Variants in FSCN1 observed in about 807,000 individuals in gnomAD.
FSCN1 encodes the protein fascin actin-bundling protein 1.
In FSCN1, 10 loss-of-function variants were observed where a neutral mutation model predicts 39.7. The observed-to-expected ratio is 0.25, with a 90% confidence interval of 0.16 to 0.43. The LOEUF (loss-of-function observed/expected upper bound fraction) is 0.43. Ranked by LOEUF, FSCN1 falls within the 20% of genes least tolerant of loss-of-function variation. The probability of loss-of-function intolerance (pLI) is 1.00; values close to 1 mark genes in which losing one functional copy is unlikely to be tolerated. For synonymous variants in FSCN1, 322 were observed against 320.0 expected (o/e 1.01, Z -0.07); for missense variants, 525 against 723.8 (o/e 0.73, Z 3.15).
rs143649632 is a variant in FSCN1 at position 5,593,398 on chromosome 7, C to T, written c.462C>T (p.His154=). ...IYSVTRKRYA[H]LSARPADEIA... ...GCGTCACCCGTAAGCGCTACGCGCA[C>T]CTGAGCGCGCGGCCGGCCGACGAGA... is the stretch of plus-strand genomic sequence containing the variant. The change falls in exon 1 of 5, where the codon CAC becomes CAT. Residue 154 remains histidine (H), a synonymous_variant. Transcript: ENST00000382361. 5.7e-4 allele frequency: 916 copies of T among 1,612,310 alleles called. 4 individuals carry two copies. In the African/African-American group the frequency reaches 0.011, roughly 19 times the overall value.
At position 5,599,237 on chromosome 7, in the gene FSCN1, C is replaced by G. The variant is rs371261997; in HGVS notation, c.833-4020C>G. Among the ~76,000 whole-genome samples, 1 of 152,086 alleles carries G rather than the reference C, an allele frequency of 6.6e-6. No homozygotes were observed. The highest frequency in any genetic ancestry group is 1.5e-5 in the Non-Finnish European group (1 of 67,998). ...CGTCGGAGGGCAGAGGGTGGGCTAC[C>G]GGCTTAAGGGGCCCCAGGGAACCTG... is the stretch of plus-strand genomic sequence containing the variant. On this transcript the variant is annotated intron_variant, in intron 1 of 4. Transcript: ENST00000382361. This position sits in a 1 kb window ranked among gnomAD's most constrained non-coding sequence, Gnocchi z 5.6.
chr7:5,603,892 A>C lies in FSCN1; in HGVS notation c.1141A>C (p.Ile381Leu). ...GDSELFLMKLINRPIIVFRGE... is the reference protein window; with the variant it reads ...GDSELFLMKLLNRPIIVFRGE... ...CTCAGAGCTCTTCCTCATGAAGCTC[A>C]TCAACCGCCCCATCATCGTGTTCCG... Residue 381 changes from isoleucine (I) to leucine (L), a missense_variant, in exon 4 of 5, where the codon ATC becomes CTC. Physicochemically the swap from Ile to Leu is conservative, Grantham distance 5. Coordinates refer to ENST00000382361, the MANE Select transcript of FSCN1 (RefSeq NM_003088.4). This position sits in a 1 kb window ranked among gnomAD's most constrained non-coding sequence, Gnocchi z 8.5. The C allele has an allele frequency of 6.2e-7, 1 of 1,613,968 alleles. No homozygotes were observed. Among genetic ancestry groups the C allele is most frequent in the Non-Finnish European group, 8.5e-7 (1 of 1,179,988 alleles).
In FSCN1 at chr7:5,605,237, GC is replaced by G; in HGVS notation, c.1280-34del. 3.9e-6 allele frequency: 6 copies of G among 1,547,072 alleles called. No homozygotes were observed. Among genetic ancestry groups the G allele is most frequent in the Non-Finnish European group, 5.4e-6 (6 of 1,121,092 alleles). On this transcript the variant is annotated intron_variant, in intron 4 of 4. Coordinates refer to ENST00000382361, the MANE Select transcript of FSCN1 (RefSeq NM_003088.4). The surrounding 1 kb of genome is among the most constrained non-coding windows in gnomAD (Gnocchi z 6.9). ...GCCCAGGGTAGGGGTGGGGAGCCAG[GC>G]TTTGGGCCCCACTTGATAAAGTCCC...
intron 1 of FSCN1, among the ~76,000 whole-genome samples, chr7:5,602,401 T>C (rs1393656300): frequency 2.0e-5 from 3 of 152,168 alleles, no homozygotes; most frequent in South Asian, 4.1e-4. Flanking sequence ...AATTTTTACA[T>C]AGAAGCAGGA....
At position 5,599,660 on chromosome 7, in the gene FSCN1, G is replaced by A. The variant is rs557113896; in HGVS notation, c.833-3597G>A. On this transcript the variant is annotated intron_variant, in intron 1 of 4. Coordinates refer to ENST00000382361, the MANE Select transcript of FSCN1 (RefSeq NM_003088.4). This position sits in a 1 kb window ranked among gnomAD's most constrained non-coding sequence, Gnocchi z 5.6. ...TCTCTACAAAATAATGTTAAAGTTA[G>A]CCAGGTGTAGTGGTGAGTGCCTGTG... Among the ~76,000 whole-genome samples, 7 of 152,246 alleles carry A rather than the reference G, an allele frequency of 4.6e-5. No homozygotes were observed. The highest frequency in any genetic ancestry group is 1.7e-4 in the African/African-American group (7 of 41,546).
Position 5,605,361 on chromosome 7 carries a change from G to A in FSCN1, c.1369G>A (p.Asp457Asn), listed in dbSNP as rs770432135. Reference sequence around the variant, plus strand: ...TGTGGACTTCTTCTTCGAGTTCTGCGACTATAACAAGGTGGCCATCAAGGT... The same window carrying A: ...TGTGGACTTCTTCTTCGAGTTCTGCAACTATAACAAGGTGGCCATCAAGGT... Reference protein sequence around the residue: ...TPVDFFFEFCDYNKVAIKVGG... With the variant: ...TPVDFFFEFCNYNKVAIKVGG... Residue 457 changes from aspartate (D) to asparagine (N), a missense_variant, in exon 5 of 5, where the codon GAC becomes AAC. Asp to Asn is a conservative substitution (Grantham distance 23). Transcript: ENST00000382361. This position sits in a 1 kb window ranked among gnomAD's most constrained non-coding sequence, Gnocchi z 6.9. 1.9e-6 allele frequency: 3 copies of A among 1,613,740 alleles called. No individual in the cohort carries two copies. The highest frequency in any genetic ancestry group is 1.7e-5 in the Admixed American group (1 of 60,002).
In FSCN1 at chr7:5,603,501, C is replaced by T. The variant is rs1216361018; in HGVS notation, c.995C>T (p.Ala332Val). The change falls in exon 3 of 5, where the codon GCC (alanine) becomes GTC (valine). Residue 332 changes from alanine to valine, a missense_variant. Physicochemically the swap from Ala to Val is moderately conservative, Grantham distance 64 (BLOSUM62 0). This residue lies in a region of FSCN1 where 275 missense variants were observed against 351.9 expected (regional missense o/e 0.78). Transcript: ENST00000382361. The surrounding 1 kb of genome is among the most constrained non-coding windows in gnomAD (Gnocchi z 8.5). ...CCTGTCCCGCCATCCCCCAGGAATG[C>T]CAGCTGCTACTTTGACATCGAGTGG... ...GVQSTASSKN[A>V]SCYFDIEWRD... 2.5e-6 allele frequency: 4 copies of T among 1,614,056 alleles called. No homozygotes were observed. The highest frequency in any genetic ancestry group is 3.4e-6 in the Non-Finnish European group (4 of 1,180,038).
intron 1 of FSCN1, among the ~76,000 whole-genome samples, chr7:5,601,455 A>G (rs1437761430): frequency 6.6e-6 from 1 of 151,506 alleles, no homozygotes; most frequent in Non-Finnish European, 1.5e-5. Context: ...CACCCGCCTC[A>G]GCTTCCCAAA....
Position 5,593,731 on chromosome 7 carries a change from G to T in FSCN1, c.795G>T (p.Leu265=). The T allele has an allele frequency of 6.3e-7, 1 of 1,591,546 alleles. No individual in the cohort carries two copies. The highest frequency in any genetic ancestry group is 8.5e-7 in the Non-Finnish European group (1 of 1,175,692). The change falls in exon 1 of 5, where the codon CTG becomes CTT. Residue 265 remains leucine (L), a synonymous_variant. Transcript: ENST00000382361. ...ALEQSCAQVV[L]QAANERNVST... ...AGCAGAGCTGCGCCCAGGTCGTGCT[G>T]CAGGCGGCCAACGAGAGGAACGTGT...
chr7:5,593,851 C>A, intron 1 of FSCN1, 83 bp downstream of exon 1: 1 of 978,030 alleles, frequency 1.0e-6, no homozygotes, highest in Non-Finnish European at 1.5e-6. Context: ...CCCGCCCTTT[C>A]TCGCTCGCGG....
In FSCN1 at chr7:5,604,224, G is replaced by A. The variant is rs542587542; in HGVS notation, c.1279+194G>A. Among the ~76,000 whole-genome samples, 1,002 of 152,142 alleles carry A rather than the reference G, an allele frequency of 6.6e-3. 18 individuals are homozygous for A. Among genetic ancestry groups the A allele is most frequent in the African/African-American group, 0.023 (960 of 41,504 alleles). On this transcript the variant is annotated intron_variant, in intron 4 of 4. Coordinates refer to ENST00000382361, the MANE Select transcript of FSCN1 (RefSeq NM_003088.4). ...AGCAGCCCCTTTCCCTCTTGTCTGT[G>A]TGGTTGGGGGGACTTACCTTGCCCA...
chr7:5,603,950 T>A lies in FSCN1; in HGVS notation c.1199T>A (p.Val400Asp), dbSNP rs750033509. The A allele has an allele frequency of 6.2e-7, 1 of 1,614,014 alleles. No homozygotes were observed. The highest frequency in any genetic ancestry group is 8.5e-7 in the Non-Finnish European group (1 of 1,180,018). Residue 400 changes from valine (V) to aspartate (D), a missense_variant, in exon 4 of 5, where the codon GTC (valine) becomes GAC (aspartate). This residue lies in a region of FSCN1 where 275 missense variants were observed against 351.9 expected (regional missense o/e 0.78). Coordinates refer to ENST00000382361, the MANE Select transcript of FSCN1 (RefSeq NM_003088.4). This position sits in a 1 kb window ranked among gnomAD's most constrained non-coding sequence, Gnocchi z 8.5. ...CATGGCTTCATCGGCTGCCGCAAGGTCACGGGCACCCTGGACGCCAACCGC... is the reference window on the plus strand; with the variant it reads ...CATGGCTTCATCGGCTGCCGCAAGGACACGGGCACCCTGGACGCCAACCGC... ...GEHGFIGCRK[V>D]TGTLDANRSS...
intron 4 of FSCN1, 66 bp downstream of exon 4, chr7:5,604,096 G>GCCCCTGCAGCAGA: frequency 6.8e-7 from 1 of 1,479,732 alleles, no homozygotes. Context: ...TCAGTGCTGC[G>GCCCCTGCAGCAGA]GGGAGCGCCC....
rs562793625 is a variant in FSCN1 at position 5,595,126 on chromosome 7, T to A, written c.832+1358T>A. Among the ~76,000 whole-genome samples the A allele has an allele frequency of 2.0e-5, 3 of 152,326 alleles. No individual in the cohort carries two copies. In the East Asian group the frequency reaches 5.8e-4, roughly 29 times the overall value. ...TGGCTGGACGGGAGCCCAGTTTGTG[T>A]CCTCATCCCTCCTCTTGGAAGGAGC... On this transcript the variant is annotated intron_variant, in intron 1 of 4. Transcript: ENST00000382361.
chr7:5,594,112 C>T (rs1193967214), intron 1 of FSCN1: 2 of 298,050 alleles, frequency 6.7e-6, no homozygotes, highest in Non-Finnish European at 1.2e-5. Context: ...TGTCCCAGCT[C>T]TTGCGGAGTG....
Position 5,603,401 on chromosome 7 carries a change from C to T in FSCN1, c.977C>T (p.Thr326Ile), listed in dbSNP as rs1192330638. ...TLTATGGVQSTASSKNASCYF... is the reference protein window; with the variant it reads ...TLTATGGVQSIASSKNASCYF... ...ACGGCCACCGGGGGCGTGCAGTCCA[C>T]CGCCTCCAGCAAGTGAGTGCCTCGC... Residue 326 changes from threonine to isoleucine, a missense_variant, in exon 2 of 5, where the codon ACC becomes ATC. Thr to Ile is a moderately conservative substitution (Grantham distance 89). Around this residue, in one of 3 missense-constraint regions of FSCN1, gnomAD observed 275 missense variants for 351.9 expected, o/e 0.78. Coordinates refer to ENST00000382361, the MANE Select transcript of FSCN1 (RefSeq NM_003088.4). This position sits in a 1 kb window ranked among gnomAD's most constrained non-coding sequence, Gnocchi z 8.5. The T allele has an allele frequency of 2.5e-6, 4 of 1,613,740 alleles. No homozygotes were observed. The highest frequency in any genetic ancestry group is 3.4e-6 in the Non-Finnish European group (4 of 1,180,016).
Position 5,603,257 on chromosome 7 carries a change from G to T in FSCN1, c.833G>T (p.Gly278Val), listed in dbSNP as rs759151863. ...ANERNVSTRQ[G>V]MDLSANQDEE... is the part of the protein sequence containing the mutation. ...CCAGCCCAAGGCCTCCTCTCTGCAG[G>T]TATGGACCTGTCTGCCAATCAGGAC... Residue 278 changes from glycine (G) to valine (V), a missense_variant and splice_region_variant, in exon 2 of 5, where the codon GGT becomes GTT. Gly to Val is a moderately radical substitution (Grantham distance 109). Coordinates refer to ENST00000382361, the MANE Select transcript of FSCN1 (RefSeq NM_003088.4). The surrounding 1 kb of genome is among the most constrained non-coding windows in gnomAD (Gnocchi z 8.5). 17 of 1,611,694 alleles carry T rather than the reference G, an allele frequency of 1.1e-5. No individual in the cohort carries two copies. The highest frequency in any genetic ancestry group is 1.4e-5 in the Non-Finnish European group (17 of 1,179,910).
intron 1 of FSCN1, among the ~76,000 whole-genome samples, chr7:5,596,156 C>T (rs1185453392): frequency 8.5e-6 from 1 of 118,080 alleles, no homozygotes; most frequent in East Asian, 2.3e-4. Context: ...CAGGGGTGGG[C>T]GTGGGGGGCG....
intron 1 of FSCN1, among the ~76,000 whole-genome samples, chr7:5,602,628 A>T (rs1480151599): frequency 6.6e-6 from 1 of 152,192 alleles, no homozygotes; most frequent in East Asian, 1.9e-4. Flanking sequence ...AATGCTTAAC[A>T]TCTAATTCTG....
Sources: gnomAD v4.1 joint callset for allele counts (sites outside exome capture counted in the v4.1 genomes callset) on GRCh38, gnomAD v4.1.1 for gene constraint, gnomAD v4.1.1 regional missense constraint, Gnocchi (gnomAD v3.1) non-coding constraint, MANE v1.5 for transcripts, NCBI Gene and HGNC (gene_info 2026-07-23, HGNC 2026-07-21) for gene names.